The following MELK variants were observed in gnomAD, a reference collection of about 807,000 sequenced individuals.
The protein encoded by MELK is pEg3 kinase.
Under a neutral mutation model 85.0 loss-of-function variants are expected in MELK, and 81 were observed. The observed-to-expected ratio is 0.95, with a 90% CI of 0.80 to 1.15. The LOEUF is 1.15. Ranked by LOEUF, MELK falls within the 50% of genes most tolerant of loss-of-function variation. The probability of loss-of-function intolerance (pLI) is 0.00; values close to 1 mark genes in which losing one functional copy is unlikely to be tolerated. For synonymous variants in MELK, 252 were observed against 265.0 expected, an observed-to-expected ratio of 0.95 and a Z score of 0.48; for missense variants, 754 against 777.5, an observed-to-expected ratio of 0.97 and a Z score of 0.36.
At chr9:36,587,421 A>G (rs892521801) in intron 3 of MELK, among the ~76,000 whole-genome samples, 7 of 151,290 alleles carry the variant, frequency 4.6e-5, no homozygotes, top group Non-Finnish European at 8.8e-5. Context: ...GGTTCGAGCA[A>G]TTCTCCTGCC....
chr9:36,573,767 A>G (rs1273661445), intron 1 of MELK, among the ~76,000 whole-genome samples: 1 of 151,964 alleles, frequency 6.6e-6, no homozygotes, highest in Non-Finnish European at 1.5e-5. Context: ...TTGGCCTCCC[A>G]GAGTGCTGGG....
chr9:36,629,613 G>A (rs1408128435), intron 8 of MELK, among the ~76,000 whole-genome samples: 1 of 152,054 alleles, frequency 6.6e-6, no homozygotes, highest in Non-Finnish European at 1.5e-5. Flanking sequence ...GCTTCATTTT[G>A]TCAACTGATA....
intron 12 of MELK, among the ~76,000 whole-genome samples, chr9:36,655,297 T>C (rs1831128837): frequency 6.6e-6 from 1 of 152,134 alleles, no homozygotes; most frequent in South Asian, 2.1e-4. Flanking sequence ...GGATCCAAAC[T>C]GGACCAACAG....
intron 11 of MELK, among the ~76,000 whole-genome samples, chr9:36,644,587 G>A (rs1564199461): frequency 6.6e-6 from 1 of 152,174 alleles, no homozygotes; most frequent in Non-Finnish European, 1.5e-5. Flanking sequence ...GGGAATTGCT[G>A]TAAGATTTGT....
Position 36,630,289 on chromosome 9 carries a change from G to A in MELK, c.667-10G>A. On this transcript the variant is annotated splice_polypyrimidine_tract_variant and intron_variant, in intron 8 of 17. Coordinates refer to ENST00000298048, the MANE Select transcript of MELK (RefSeq NM_014791.4). ...TGAACCTGAATCTCTTAAATGCTTT[G>A]TTTTTGTAGAGAGGAAAATATGATG... The A allele has an allele frequency of 6.2e-7, 1 of 1,604,758 alleles. No homozygotes were observed. Among genetic ancestry groups the A allele is most frequent in the East Asian group, 2.2e-5 (1 of 44,774 alleles).
At chr9:36,641,180 G>C (rs899018108) in intron 10 of MELK, among the ~76,000 whole-genome samples, 1 of 152,156 alleles carries the variant, frequency 6.6e-6, no homozygotes, top group Non-Finnish European at 1.5e-5. Context: ...ATAGGAATAC[G>C]CAAATTTCTG....
chr9:36,582,520 C>A (rs916921870), intron 2 of MELK, among the ~76,000 whole-genome samples: 9 of 151,832 alleles, frequency 5.9e-5, no homozygotes, highest in African/African-American at 9.7e-5. Context: ...ATTTTACACA[C>A]ACATATGTAC....
chr9:36,647,403 A>T (rs1246422740), intron 11 of MELK, among the ~76,000 whole-genome samples: 2 of 152,102 alleles, frequency 1.3e-5, no homozygotes, highest in Admixed American at 1.3e-4. Flanking sequence ...TGGAAAGTGG[A>T]GAGTGATTAT....
At chr9:36,629,708 A>G (rs1828326820) in intron 8 of MELK, among the ~76,000 whole-genome samples, 1 of 152,208 alleles carries the variant, frequency 6.6e-6, no homozygotes, top group Non-Finnish European at 1.5e-5. Context: ...TTAATACTAC[A>G]GATTCCAAAG....
intron 10 of MELK, among the ~76,000 whole-genome samples, chr9:36,635,188 G>T (rs1020026435): frequency 1.3e-5 from 2 of 152,024 alleles, no homozygotes; most frequent in African/African-American, 4.8e-5. Context: ...ATATGACAAA[G>T]AATACAATAT....
At chr9:36,620,845 A>G (rs1277238706) in intron 8 of MELK, among the ~76,000 whole-genome samples, 2 of 151,568 alleles carry the variant, frequency 1.3e-5, no homozygotes, top group Non-Finnish European at 2.9e-5. Flanking sequence ...CACCGCACCC[A>G]GCTGCATTCC....
chr9:36,594,169 G>A (rs1316845577), intron 4 of MELK, among the ~76,000 whole-genome samples: 1 of 152,234 alleles, frequency 6.6e-6, no homozygotes, highest in Non-Finnish European at 1.5e-5. Flanking sequence ...TCTGGTACCT[G>A]TTCTGCAGCC....
intron 3 of MELK, 26 bp downstream of exon 3, chr9:36,583,738 A>C: frequency 2.0e-6 from 3 of 1,505,282 alleles, no homozygotes; most frequent in Non-Finnish European, 2.8e-6. Context: ...TTTAAAAAAT[A>C]GTCCACTTAT....
intron 6 of MELK, 69 bp from the exon 7 acceptor site, chr9:36,599,314 AAAAAAAAAAAG>A: frequency 2.1e-6 from 2 of 960,538 alleles, no homozygotes; most frequent in African/African-American, 1.7e-5. Flanking sequence ...AAAAAAAAAA[AAAAAAAAAAAG>A]AATGTTTATC....
intron 8 of MELK, among the ~76,000 whole-genome samples, chr9:36,623,120 C>T (rs1587472281): frequency 6.6e-6 from 1 of 152,284 alleles, no homozygotes; most frequent in Admixed American, 6.5e-5. Context: ...TAGCAGCATC[C>T]ATTACCTTTA....
rs534882474 is a variant in MELK at position 36,654,636 on chromosome 9, G to A, written c.1054-2605G>A. Among the ~76,000 whole-genome samples, 38 of 152,118 alleles carry A rather than the reference G, an allele frequency of 2.5e-4. 2 individuals are homozygous for A. In the South Asian group the frequency reaches 5.8e-3, roughly 23 times the overall value. ...CTCCCAAAGTGCTGGGAACACAAGC[G>A]TGAACCACCACACCCGGCCTGGATT... is the stretch of plus-strand genomic sequence containing the variant. On this transcript the variant is annotated intron_variant, in intron 12 of 17. Coordinates refer to ENST00000298048, the MANE Select transcript of MELK (RefSeq NM_014791.4).
intron 12 of MELK, among the ~76,000 whole-genome samples, chr9:36,653,794 A>AC (rs993568711): frequency 3.9e-5 from 6 of 152,156 alleles, no homozygotes; most frequent in South Asian, 2.1e-4. Flanking sequence ...TAAAAAAAAA[A>AC]CAAAAAATGT....
At chr9:36,624,339 G>A (rs1273115184) in intron 8 of MELK, among the ~76,000 whole-genome samples, 1 of 152,122 alleles carries the variant, frequency 6.6e-6, no homozygotes, top group African/African-American at 2.4e-5. Context: ...GCTAGTAAGA[G>A]GTAGATCCTG....
chr9:36,654,647 C>T (rs754755126), intron 12 of MELK, among the ~76,000 whole-genome samples: 5 of 152,112 alleles, frequency 3.3e-5, no homozygotes, highest in African/African-American at 4.8e-5. Flanking sequence ...TGAACCACCA[C>T]ACCCGGCCTG....
Sources: gnomAD v4.1 joint callset for allele counts (sites outside exome capture counted in the v4.1 genomes callset) on GRCh38, gnomAD v4.1.1 for gene constraint, MANE v1.5 for transcripts, NCBI Gene and HGNC (gene_info 2026-07-23, HGNC 2026-07-21) for gene names.